The following RASSF2 variants were observed in gnomAD, a reference collection of about 807,000 sequenced individuals.
RASSF2 encodes ras association domain-containing protein 2.
A neutral mutation model predicts 46.3 loss-of-function variants in RASSF2; 34 were observed. That is an observed-to-expected ratio of 0.73 (90% CI 0.56 to 0.98). RASSF2 has a LOEUF of 0.98. Ranked by LOEUF, RASSF2 falls within the 50% of genes least tolerant of loss-of-function variation. The pLI is 0.00. For synonymous variants in RASSF2, 158 were observed against 162.5 expected, an observed-to-expected ratio of 0.97 and a Z score of 0.21; for missense variants, 364 against 431.2, an observed-to-expected ratio of 0.84 and a Z score of 1.38.
intron 2 of RASSF2, among the ~76,000 whole-genome samples, chr20:4,802,882 G>GTA (rs139381564): frequency 0.054 from 7,293 of 134,064 alleles, 669 homozygotes; most frequent in African/African-American, 0.19. Context: ...ATGTGTGTGT[G>GTA]TATATATATA....
At chr20:4,804,462 T>C (rs1296689994) in intron 2 of RASSF2, among the ~76,000 whole-genome samples, 1 of 147,656 alleles carries the variant, frequency 6.8e-6, no homozygotes, top group Non-Finnish European at 1.5e-5. Context: ...CTCAGCCTCC[T>C]GAGTAGCTGG....
chr20:4,799,301 C>T (rs533627794), intron 3 of RASSF2, among the ~76,000 whole-genome samples: 2 of 152,178 alleles, frequency 1.3e-5, no homozygotes, highest in Admixed American at 6.5e-5. Flanking sequence ...GATTTCACCC[C>T]CTTTGTGATC....
Position 4,792,528 on chromosome 20 carries a change from C to T in RASSF2, c.376+11G>A, listed in dbSNP as rs1371409774. On this transcript the variant is annotated intron_variant, in intron 6 of 11. Coordinates refer to ENST00000379400, the MANE Select transcript of RASSF2 (RefSeq NM_014737.3). ...GGTCCCTAGCTGGAAGTACCTTCCACTCACATGTACCTGTGGAGCTTGGCA... is the reference window on the plus strand; with the variant it reads ...GGTCCCTAGCTGGAAGTACCTTCCATTCACATGTACCTGTGGAGCTTGGCA... The T allele has an allele frequency of 6.2e-7, 1 of 1,614,108 alleles. No homozygotes were observed. The highest frequency in any genetic ancestry group is 1.7e-5 in the Admixed American group (1 of 60,000).
chr20:4,807,625 CTG>C (rs1464636390), intron 2 of RASSF2, among the ~76,000 whole-genome samples: 1 of 152,192 alleles, frequency 6.6e-6, no homozygotes, highest in African/African-American at 2.4e-5. Context: ...ATGGCCCCGA[CTG>C]TGGGAATTTT....
intron 2 of RASSF2, among the ~76,000 whole-genome samples, chr20:4,809,617 G>A (rs536861293): frequency 5.9e-5 from 9 of 152,200 alleles, no homozygotes; most frequent in Admixed American, 1.3e-4. Flanking sequence ...CTGCTTCCAG[G>A]AAGGGGATGG....
At chr20:4,796,708 AT>A (rs1287071523) in intron 4 of RASSF2, among the ~76,000 whole-genome samples, 29 of 152,344 alleles carry the variant, frequency 1.9e-4, no homozygotes, top group African/African-American at 6.7e-4. Context: ...ATCCCGAAGA[AT>A]TGGGACTCGC....
intron 2 of RASSF2, among the ~76,000 whole-genome samples, chr20:4,804,081 T>C (rs1040694478): frequency 2.0e-5 from 3 of 151,894 alleles, no homozygotes; most frequent in African/African-American, 7.2e-5. Context: ...AATTAAATAA[T>C]AAAATAAAAT....
chr20:4,793,727 G>A (rs1418618991), intron 5 of RASSF2, among the ~76,000 whole-genome samples: 4 of 151,798 alleles, frequency 2.6e-5, no homozygotes, highest in African/African-American at 9.7e-5. Flanking sequence ...GTGATCACCC[G>A]CCTCAGCCTC....
In RASSF2 at chr20:4,792,561, AC is replaced by A; in HGVS notation, c.353del (p.Gly118ValfsTer13). On this transcript the variant is annotated frameshift_variant, in exon 6 of 12. Transcript: ENST00000379400. LOFTEE classifies it high-confidence loss of function. ...TACCTGTGGAGCTTGGCATCTGGTC[AC>A]CCTCCGGCGGGGCATCCACCTCTGA... The part of the protein sequence containing the change: ...QISEVDAPPE[G>X]DQMPSSTDSR... 1 of 1,613,810 alleles carries A rather than the reference AC, an allele frequency of 6.2e-7. No homozygotes were observed. The highest frequency in any genetic ancestry group is 8.5e-7 in the Non-Finnish European group (1 of 1,179,954).
In RASSF2 at chr20:4,783,212, AACATCGCCCCAGCTTCAAGTGCAGGAAG is replaced by A. The variant is rs1193938197; in HGVS notation, c.*1033_*1060del. 4 of 152,258 alleles carry A rather than the reference AACATCGCCCCAGCTTCAAGTGCAGGAAG, an allele frequency of 2.6e-5. No homozygotes were observed. Among genetic ancestry groups the A allele is most frequent in the Non-Finnish European group, 4.4e-5 (3 of 68,044 alleles). 9.4% of individuals were successfully genotyped at this position (152,258 alleles called of 1,614,324 possible). On this transcript the variant is annotated 3_prime_UTR_variant, in exon 12 of 12. Transcript: ENST00000379400. ...GTTGGAAAGAATGGTCTTGACTGCA[AACATCGCCCCAGCTTCAAGTGCAGGAAG>A]ACCTTTGATGACATGAAGATGGGCT...
At chr20:4,791,645 A>G (rs926561456) in intron 6 of RASSF2, among the ~76,000 whole-genome samples, 4 of 152,238 alleles carry the variant, frequency 2.6e-5, no homozygotes, top group Admixed American at 1.3e-4. Context: ...AAAATTAAAA[A>G]TGCATATGGC....
intron 2 of RASSF2, among the ~76,000 whole-genome samples, chr20:4,809,340 C>T (rs1261141905): frequency 1.3e-5 from 2 of 152,148 alleles, no homozygotes; most frequent in Non-Finnish European, 2.9e-5. Flanking sequence ...TTTTTATGCT[C>T]TGTGAGTGTG....
chr20:4,823,371 G>C (rs1396230251), intron 1 of RASSF2, among the ~76,000 whole-genome samples, 186 bp downstream of exon 1: 1 of 152,142 alleles, frequency 6.6e-6, no homozygotes, highest in Non-Finnish European at 1.5e-5. Context: ...GAGTTGGAAA[G>C]TGGGGGCGCC....
At chr20:4,787,299 A>G (rs1228036606) in intron 10 of RASSF2, among the ~76,000 whole-genome samples, 1 of 152,160 alleles carries the variant, frequency 6.6e-6, no homozygotes, top group Non-Finnish European at 1.5e-5. Flanking sequence ...TGCCATGAGG[A>G]CCACACCCAT....
intron 10 of RASSF2, 84 bp downstream of exon 10, chr20:4,787,549 A>C: frequency 1.9e-6 from 3 of 1,565,306 alleles, no homozygotes; most frequent in Non-Finnish European, 2.6e-6. Flanking sequence ...TGGTCAAAAA[A>C]GTCATTCTAT....
chr20:4,811,424 G>A (rs1320315722), intron 2 of RASSF2, among the ~76,000 whole-genome samples: 1 of 152,052 alleles, frequency 6.6e-6, no homozygotes, highest in Non-Finnish European at 1.5e-5. Flanking sequence ...TCTAGGGGAG[G>A]GGCCCAGGCA....
chr20:4,798,336 A>C (rs943621832), intron 3 of RASSF2, among the ~76,000 whole-genome samples: 1 of 152,204 alleles, frequency 6.6e-6, no homozygotes, highest in African/African-American at 2.4e-5. Flanking sequence ...GAGCAACTCC[A>C]GGACACCAAG....
rs761846556 is a variant in RASSF2, at chr20:4,787,642, G to T, written c.804C>A (p.Val268=). 6.2e-7 allele frequency: 1 copy of T among 1,614,182 alleles called. No homozygotes were observed. The highest frequency in any genetic ancestry group is 8.5e-7 in the Non-Finnish European group (1 of 1,180,024). ...CCCAAAGGGAACTCACGTCGTAGGT[G>T]ACTTCCTCCACCTGGTCCTTCTCCA... is the stretch of plus-strand genomic sequence containing the variant. ...FLMEKDQVEE[V]TYDVAQYIKF... Residue 268 remains valine (V), a synonymous_variant, in exon 10 of 12, where the codon GTC becomes GTA. Coordinates refer to ENST00000379400, the MANE Select transcript of RASSF2 (RefSeq NM_014737.3).
chr20:4,806,055 G>T (rs1278396342), intron 2 of RASSF2, among the ~76,000 whole-genome samples: 1 of 152,204 alleles, frequency 6.6e-6, no homozygotes, highest in Non-Finnish European at 1.5e-5. Flanking sequence ...AACAGAAGGG[G>T]TGAAGGGGAC....
Sources: gnomAD v4.1 joint callset for allele counts (sites outside exome capture counted in the v4.1 genomes callset) on GRCh38, gnomAD v4.1.1 for gene constraint, MANE v1.5 for transcripts, NCBI Gene and HGNC (gene_info 2026-07-23, HGNC 2026-07-21) for gene names.